Variants in STAMBPL1 observed in about 807,000 individuals in gnomAD.
The protein encoded by STAMBPL1 is STAM binding protein like 1.
In STAMBPL1, 44 loss-of-function variants were observed where a neutral mutation model predicts 52.9. That is an observed-to-expected ratio of 0.83 (90% confidence interval 0.65 to 1.07). The LOEUF is 1.07. STAMBPL1 is among the 50% of genes least tolerant of loss of function. The pLI is 0.00. For synonymous variants in STAMBPL1, 164 were observed against 177.3 expected (o/e 0.92, Z 0.60); for missense variants, 511 against 520.8 (o/e 0.98, Z 0.18).
chr10:88,899,067 G>A (rs1844880430), intron 1 of STAMBPL1, among the ~76,000 whole-genome samples: 1 of 152,210 alleles, frequency 6.6e-6, no homozygotes, highest in South Asian at 2.1e-4. Context: ...TAGCAGAGGT[G>A]TTTTCACCAG....
At chr10:88,880,809 T>A (rs569240414) in intron 1 of STAMBPL1, among the ~76,000 whole-genome samples, 171 bp downstream of exon 1, 1 of 152,314 alleles carries the variant, frequency 6.6e-6, no homozygotes, top group African/African-American at 2.4e-5. Context: ...GATCGCTTCC[T>A]TCCTGCCAGT....
In STAMBPL1 at chr10:88,910,442, T is replaced by TG. The variant is rs529084480; in HGVS notation, c.325-467dup. Among the ~76,000 whole-genome samples the TG allele has an allele frequency of 5.3e-4, 80 of 152,256 alleles. No individual in the cohort carries two copies. The South Asian group carries it at 6.0e-3, about 11-fold the overall frequency. Reference sequence around the variant, plus strand: ...TAATTCAGTAGATCCAGATTAGGCTTGGGGGGGTCTGTATTTTTATAAAAA... The same window carrying TG: ...TAATTCAGTAGATCCAGATTAGGCTTGGGGGGGGTCTGTATTTTTATAAAAA... On this transcript the variant is annotated intron_variant, in intron 4 of 10. Coordinates refer to ENST00000371926, the MANE Select transcript of STAMBPL1 (RefSeq NM_020799.4).
At chr10:88,922,209 T>C (rs1480454029) in intron 9 of STAMBPL1, 128 bp from the exon 10 acceptor site, 23 of 884,056 alleles carry the variant, frequency 2.6e-5, no homozygotes, top group Non-Finnish European at 3.8e-5. Context: ...AAAATCACTA[T>C]GGAATTCCTA....
At chr10:88,888,453 G>C (rs1415519107) in intron 1 of STAMBPL1, among the ~76,000 whole-genome samples, 2 of 152,188 alleles carry the variant, frequency 1.3e-5, no homozygotes, top group South Asian at 4.1e-4. Flanking sequence ...AAAGAAACAA[G>C]GGTGAGGACT....
At position 88,922,370 on chromosome 10, in the gene STAMBPL1, G is replaced by A. The variant is rs371084787; in HGVS notation, c.1188G>A (p.Met396Ile). ...TCTTCAGGCTCACCAATGCTGGCAT[G>A]CTTGAGGTTTCTGCTTGTAAAAAAA... is the stretch of plus-strand genomic sequence containing the variant. ...TGIFRLTNAGMLEVSACKKKG... is the reference protein window; with the variant it reads ...TGIFRLTNAGILEVSACKKKG... The change falls in exon 10 of 11, where the codon ATG becomes ATA. Residue 396 changes from methionine (M) to isoleucine (I), a missense_variant. Transcript: ENST00000371926. 4 of 1,613,254 alleles carry A rather than the reference G, an allele frequency of 2.5e-6. No homozygotes were observed. The African/African-American group carries it at 4.0e-5, about 16-fold the overall frequency.
At chr10:88,910,772 A>C (rs1266455186) in intron 4 of STAMBPL1, 144 bp from the exon 5 acceptor site, 34 of 524,304 alleles carry the variant, frequency 6.5e-5, no homozygotes, top group Non-Finnish European at 1.0e-4. Context: ...CCCATAAAAA[A>C]GAGATTTATT....
At chr10:88,908,171 G>A (rs571497666) in intron 3 of STAMBPL1, among the ~76,000 whole-genome samples, 6 of 152,180 alleles carry the variant, frequency 3.9e-5, no homozygotes, top group Non-Finnish European at 7.3e-5. Context: ...AAACGGTGAC[G>A]AAAAATAATG....
chr10:88,916,627 ATTTT>A (rs201798892), intron 7 of STAMBPL1, 49 bp from the exon 8 acceptor site: 2 of 1,159,202 alleles, frequency 1.7e-6, no homozygotes, highest in Non-Finnish European at 2.4e-6. Context: ...CTGTTCAGTT[ATTTT>A]TTTTTTTTCT....
chr10:88,913,403 C>T lies in STAMBPL1; in HGVS notation c.723C>T (p.His241=). ...NKSDATNYAS[H]SPPVNRALTP... ...GTGATGCAACCAATTATGCTAGCCA[C>T]TCTCCTCCTGTAAACAGGGCCTTAA... Residue 241 remains histidine (H), a synonymous_variant, in exon 6 of 11, where the codon CAC becomes CAT. Coordinates refer to ENST00000371926, the MANE Select transcript of STAMBPL1 (RefSeq NM_020799.4). 6.2e-7 allele frequency: 1 copy of T among 1,613,720 alleles called. No homozygotes were observed. The highest frequency in any genetic ancestry group is 8.5e-7 in the Non-Finnish European group (1 of 1,179,776).
intron 7 of STAMBPL1, among the ~76,000 whole-genome samples, chr10:88,915,753 G>A (rs946274741): frequency 1.3e-5 from 2 of 152,170 alleles, no homozygotes; most frequent in African/African-American, 4.8e-5. Flanking sequence ...TGCAAGTGTA[G>A]GGCATCATGG....
chr10:88,905,915 A>T (rs187357446), intron 3 of STAMBPL1, among the ~76,000 whole-genome samples: 3 of 152,308 alleles, frequency 2.0e-5, no homozygotes, highest in African/African-American at 7.2e-5. Flanking sequence ...CCAGCATAGT[A>T]ATCTATTTAA....
intron 8 of STAMBPL1, among the ~76,000 whole-genome samples, chr10:88,918,476 T>C (rs945636346): frequency 2.0e-5 from 3 of 152,152 alleles, no homozygotes; most frequent in African/African-American, 7.2e-5. Flanking sequence ...GAATACCTTC[T>C]CTCCTCACTG....
chr10:88,900,402 T>C (rs1844915736), intron 1 of STAMBPL1, among the ~76,000 whole-genome samples: 1 of 152,194 alleles, frequency 6.6e-6, no homozygotes, highest in Admixed American at 6.5e-5. Flanking sequence ...TGACCTAAAC[T>C]AGCATAAAAA....
intron 4 of STAMBPL1, among the ~76,000 whole-genome samples, chr10:88,909,879 G>A (rs1589371201): frequency 6.6e-6 from 1 of 152,170 alleles, no homozygotes. Flanking sequence ...AGGATTACAG[G>A]TGTGAGCCAC....
At chr10:88,908,155 T>C (rs2133182815) in intron 3 of STAMBPL1, among the ~76,000 whole-genome samples, 1 of 152,342 alleles carries the variant, frequency 6.6e-6, no homozygotes, top group South Asian at 2.1e-4. Flanking sequence ...CTGTCTCTTG[T>C]TCCTCAAACG....
chr10:88,905,517 G>A lies in STAMBPL1; in HGVS notation c.105G>A (p.Lys35=), dbSNP rs746227902. 3 of 1,614,154 alleles carry A rather than the reference G, an allele frequency of 1.9e-6. No individual in the cohort carries two copies. The highest frequency in any genetic ancestry group is 3.3e-5 in the Admixed American group (2 of 60,030). The change falls in exon 3 of 11, where the codon AAG becomes AAA. Residue 35 remains lysine (K), a synonymous_variant. Coordinates refer to ENST00000371926, the MANE Select transcript of STAMBPL1 (RefSeq NM_020799.4). Reference sequence around the variant, plus strand: ...AAGAGCGAGTCCGTGCCCTAAGCAAGCTTGGTTGTAATATCACCATCAGTG... The same window carrying A: ...AAGAGCGAGTCCGTGCCCTAAGCAAACTTGGTTGTAATATCACCATCAGTG... The part of the protein sequence containing the change: ...SPEERVRALS[K]LGCNITISED...
chr10:88,904,405 A>G (rs1336490930), intron 2 of STAMBPL1, among the ~76,000 whole-genome samples: 2 of 152,248 alleles, frequency 1.3e-5, no homozygotes, highest in Non-Finnish European at 2.9e-5. Context: ...CTGCCAGTAC[A>G]TGGACCATGC....
intron 1 of STAMBPL1, among the ~76,000 whole-genome samples, chr10:88,895,694 G>A (rs1275327157): frequency 6.6e-6 from 1 of 152,194 alleles, no homozygotes; most frequent in East Asian, 1.9e-4. Context: ...GCACAAAAAG[G>A]TTAAATAAGC....
intron 1 of STAMBPL1, chr10:88,893,752 A>G (rs1162375174): frequency 1.3e-5 from 2 of 152,232 alleles, no homozygotes; most frequent in African/African-American, 2.4e-5. Context: ...CAACAAAAAA[A>G]TGTGAAGGGA....
Sources: allele counts gnomAD v4.1 joint callset (sites outside exome capture counted in the v4.1 genomes callset), GRCh38; gene constraint gnomAD v4.1.1; transcripts MANE v1.5; gene names NCBI Gene and HGNC (gene_info 2026-07-23, HGNC 2026-07-21).